Variants in SNX10 observed in about 807,000 individuals in gnomAD.
SNX10 encodes the protein sorting nexin-10.
A neutral mutation model predicts 28.5 loss-of-function variants in SNX10; 25 were observed. The ratio of observed to expected loss-of-function variants is 0.88; its 90% CI spans 0.64 to 1.22. The LOEUF (loss-of-function observed/expected upper bound fraction) is 1.22. SNX10 is among the 50% of genes most tolerant of loss of function. The pLI is 0.00. For missense variants in SNX10, 223 were observed against 242.6 expected (o/e 0.92, Z 0.54); for synonymous variants, 62 against 81.4 (o/e 0.76, Z 1.28).
In SNX10 at chr7:26,372,068, T is replaced by G. The variant is rs374007295; in HGVS notation, c.524+35T>G. On this transcript the variant is annotated intron_variant, in intron 6 of 6. Coordinates refer to ENST00000338523, the MANE Select transcript of SNX10 (RefSeq NM_013322.3). ...TGCATTTTGATTTAATGTATATGTA[T>G]TTATATAATACATAGTATGCACATA... 43 of 1,360,248 alleles carry G rather than the reference T, an allele frequency of 3.2e-5. No homozygotes were observed. In the African/African-American group the frequency reaches 5.7e-4, roughly 18 times the overall value. 84.3% of individuals were successfully genotyped at this position (1,360,248 alleles called of 1,614,324 possible). A position where few individuals can be genotyped will look rare whatever the true frequency, so the allele number is the denominator to read the frequency against.
At chr7:26,334,285 A>G (rs1445547185) in intron 1 of SNX10, among the ~76,000 whole-genome samples, 1 of 152,208 alleles carries the variant, frequency 6.6e-6, no homozygotes, top group African/African-American at 2.4e-5. Context: ...GATATCCATC[A>G]CCTCAAGCAT....
At chr7:26,347,093 CAG>C (rs1447895574) in intron 2 of SNX10, among the ~76,000 whole-genome samples, 2 of 152,152 alleles carry the variant, frequency 1.3e-5, no homozygotes, top group Non-Finnish European at 2.9e-5. Flanking sequence ...AGAAGCAGCA[CAG>C]GGGCCTGTCT....
intron 2 of SNX10, among the ~76,000 whole-genome samples, chr7:26,350,217 C>T (rs961722986): frequency 2.0e-5 from 3 of 152,152 alleles, no homozygotes; most frequent in African/African-American, 7.2e-5. Context: ...TAGGCAACTC[C>T]AGTTATTGAC....
chr7:26,318,771 CATACTTAATTTTTCTTGT>C (rs566557986), intron 1 of SNX10, among the ~76,000 whole-genome samples: 17 of 152,128 alleles, frequency 1.1e-4, no homozygotes, highest in South Asian at 2.1e-4. Context: ...ACACCCAGCC[CATACTTAATTTTTCTTGT>C]ATACTTAATT....
intron 2 of SNX10, among the ~76,000 whole-genome samples, chr7:26,348,507 C>T (rs1168054335): frequency 1.3e-5 from 2 of 152,224 alleles, no homozygotes; most frequent in Admixed American, 6.5e-5. Flanking sequence ...AAGAGCTGGA[C>T]GCATGGGCAG....
At position 26,323,253 on chromosome 7, in the gene SNX10, A is replaced by G. The variant is rs185605874; in HGVS notation, c.-23-23167A>G. On this transcript the variant is annotated intron_variant, in intron 1 of 6. Transcript: ENST00000338523. ...TGACAGAGTGAGATCCTGTCTCAAA[A>G]CCAAACAAAACAAAACAAAAATAAA... Among the ~76,000 whole-genome samples the G allele has an allele frequency of 1.4e-4, 21 of 152,232 alleles. No individual in the cohort carries two copies. In the East Asian group the frequency reaches 3.3e-3, roughly 24 times the overall value.
chr7:26,297,113 T>TTC (rs1786142163), intron 1 of SNX10, among the ~76,000 whole-genome samples: 1 of 124,368 alleles, frequency 8.0e-6, no homozygotes, highest in South Asian at 2.6e-4. Context: ...TTTTGTTGTT[T>TTC]TGAGACGGAG....
At chr7:26,354,507 C>T (rs1440803007) in intron 2 of SNX10, among the ~76,000 whole-genome samples, 1 of 152,132 alleles carries the variant, frequency 6.6e-6, no homozygotes, top group Non-Finnish European at 1.5e-5. Context: ...TGAGCCAGTA[C>T]ACTCAGCTAA....
intron 5 of SNX10, among the ~76,000 whole-genome samples, chr7:26,367,382 G>A (rs1435881533): frequency 6.6e-6 from 1 of 152,210 alleles, no homozygotes; most frequent in East Asian, 1.9e-4. Context: ...CGATTGGATT[G>A]TCAAATCATG....
At position 26,364,432 on chromosome 7, in the gene SNX10, A is replaced by T; in HGVS notation, c.112-103A>T. On this transcript the variant is annotated intron_variant, in intron 3 of 6. Coordinates refer to ENST00000338523, the MANE Select transcript of SNX10 (RefSeq NM_013322.3). This position sits in a 1 kb window ranked among gnomAD's most constrained non-coding sequence, Gnocchi z 4.9. ...ATATAAATATATGTTTGGTGGTTTA[A>T]ATCCTATTTAGAGTGAATGTTGAGA... 7.0e-7 allele frequency: 1 copy of T among 1,429,682 alleles called. No individual in the cohort carries two copies. Among genetic ancestry groups the T allele is most frequent in the Non-Finnish European group, 9.2e-7 (1 of 1,087,578 alleles). The allele number at this position is 1,429,682 out of a possible 1,614,324, so 88.6% of individuals were successfully genotyped here. A position where few individuals can be genotyped will look rare whatever the true frequency, so the allele number is the denominator to read the frequency against.
At chr7:26,353,106 A>G (rs6967109) in intron 2 of SNX10, among the ~76,000 whole-genome samples, 23,299 of 152,148 alleles carry the variant, frequency 0.15, 2,288 homozygotes, top group South Asian at 0.33. Flanking sequence ...AAGTCATGTA[A>G]AAGGCAGGTC....
intron 1 of SNX10, among the ~76,000 whole-genome samples, chr7:26,345,483 G>A (rs1041020129): frequency 2.6e-5 from 4 of 152,316 alleles, no homozygotes; most frequent in Admixed American, 6.5e-5. Flanking sequence ...CTGCTCGGGT[G>A]CAGCTCGCTT....
At chr7:26,312,102 TACATTATGGCCCATAGC>T (rs1157145124) in intron 1 of SNX10, among the ~76,000 whole-genome samples, 1 of 152,172 alleles carries the variant, frequency 6.6e-6, no homozygotes, top group African/African-American at 2.4e-5. Context: ...TTAGTTTCTG[TACATTATGGCCCATAGC>T]ACATTATGGC....
intron 2 of SNX10, among the ~76,000 whole-genome samples, chr7:26,356,806 C>T (rs937610687): frequency 6.6e-6 from 1 of 152,128 alleles, no homozygotes; most frequent in Admixed American, 6.6e-5. Flanking sequence ...TCTCCCAGAT[C>T]TTAAACATTG....
intron 2 of SNX10, among the ~76,000 whole-genome samples, chr7:26,347,444 G>A (rs1194993587): frequency 6.6e-6 from 1 of 152,220 alleles, no homozygotes; most frequent in East Asian, 1.9e-4. Flanking sequence ...GGAGGCTGAG[G>A]TGGGAGGATT....
At chr7:26,347,865 A>T (rs1788449477) in intron 2 of SNX10, among the ~76,000 whole-genome samples, 1 of 152,186 alleles carries the variant, frequency 6.6e-6, no homozygotes, top group Admixed American at 6.5e-5. Flanking sequence ...AAACCCACAA[A>T]AAACAAAAAA....
intron 1 of SNX10, among the ~76,000 whole-genome samples, chr7:26,314,887 A>G (rs1367553834): frequency 6.6e-6 from 1 of 152,036 alleles, no homozygotes; most frequent in Non-Finnish European, 1.5e-5. Flanking sequence ...AGTCCCAGCT[A>G]CTCGGGAGGC....
intron 1 of SNX10, among the ~76,000 whole-genome samples, chr7:26,315,101 A>G (rs2127998761): frequency 6.6e-6 from 1 of 152,302 alleles, no homozygotes; most frequent in East Asian, 1.9e-4. Flanking sequence ...GTCCACCAAA[A>G]TGAATCAGAA....
intron 1 of SNX10, among the ~76,000 whole-genome samples, chr7:26,336,449 A>G (rs1385925827): frequency 6.6e-6 from 1 of 152,146 alleles, no homozygotes; most frequent in African/African-American, 2.4e-5. Flanking sequence ...CACGCCTGTA[A>G]TCCCTACACT....
Sources: gnomAD v4.1 joint callset for allele counts (sites outside exome capture counted in the v4.1 genomes callset) on GRCh38, gnomAD v4.1.1 for gene constraint, Gnocchi (gnomAD v3.1) non-coding constraint, MANE v1.5 for transcripts, NCBI Gene and HGNC (gene_info 2026-07-23, HGNC 2026-07-21) for gene names.